TRIM64C: variants seen among roughly 807,000 people sequenced by gnomAD.
TRIM64C encodes tripartite motif-containing protein 64C.
In TRIM64C, 25 loss-of-function variants were observed where a neutral mutation model predicts 36.1. The ratio of observed to expected loss-of-function variants is 0.69; its 90% CI spans 0.51 to 0.97. The LOEUF is 0.97. TRIM64C is among the 50% of genes least tolerant of loss of function. The pLI, the probability that TRIM64C is intolerant of heterozygous loss-of-function variation, is 0.00. For missense variants in TRIM64C, 489 were observed against 536.8 expected (o/e 0.91, Z 0.88); for synonymous variants, 212 against 185.7 (o/e 1.14, Z -1.15).
At chr11:49,054,726 C>T (rs1854792563) in intron 5 of TRIM64C, among the ~76,000 whole-genome samples, 1 of 152,120 alleles carries the variant, frequency 6.6e-6, no homozygotes, top group Non-Finnish European at 1.5e-5. Flanking sequence ...ACTCTGTGTT[C>T]CTGCCCTCTG....
In TRIM64C at chr11:49,057,777, G is replaced by A. The variant is rs1377191064; in HGVS notation, c.507+301C>T. On this transcript the variant is annotated intron_variant, in intron 2 of 5. Transcript: ENST00000617704. Reference sequence around the variant, plus strand: ...CTCTATATACTATTCTATTTCTTTTGTCTTCCTGACACCCAGTCTTAGTGA... The same window carrying A: ...CTCTATATACTATTCTATTTCTTTTATCTTCCTGACACCCAGTCTTAGTGA... 6.0e-6 allele frequency: 3 copies of A among 503,458 alleles called. No homozygotes were observed. The Admixed American group carries it at 7.4e-5, about 12-fold the overall frequency. The allele number at this position is 503,458 out of a possible 1,614,324, so 31.2% of individuals were successfully genotyped here.
chr11:49,058,681 A>T lies in TRIM64C; in HGVS notation c.412+20T>A. ...CTTATTTGATATTCTGTATAATTCA[A>T]ACTGCCTTAGAGGCATCACGTACCC... On this transcript the variant is annotated intron_variant, in intron 1 of 5. Coordinates refer to ENST00000617704, the MANE Select transcript of TRIM64C (RefSeq NM_001206631.1). 1 of 1,541,290 alleles carries T rather than the reference A, an allele frequency of 6.5e-7. No homozygotes were observed. The highest frequency in any genetic ancestry group is 8.7e-7 in the Non-Finnish European group (1 of 1,146,046).
Position 49,055,294 on chromosome 11 carries a change from A to C in TRIM64C, c.859+16T>G. The C allele has an allele frequency of 6.5e-7, 1 of 1,535,666 alleles. No homozygotes were observed. ...GAAATAATTTGAGGCTGGACTGCCA[A>C]GCAGCTGGCTCTTGCCTCTGAAGTT... On this transcript the variant is annotated intron_variant, in intron 5 of 5. Coordinates refer to ENST00000617704, the MANE Select transcript of TRIM64C (RefSeq NM_001206631.1).
chr11:49,058,943 T>C lies in TRIM64C; in HGVS notation c.170A>G (p.Lys57Arg), dbSNP rs1854848797. ...GTTGAAGTTGGGCTTCTCTGAGATT[T>C]TTCTGCACAAAGGGCAGCGCATTGG... The part of the protein sequence containing the change: ...RAPMRCPLCR[K>R]ISEKPNFNTN... Residue 57 changes from lysine to arginine, a missense_variant, in exon 1 of 6, where the codon AAA (lysine) becomes AGA (arginine). Transcript: ENST00000617704. 2.6e-6 allele frequency: 4 copies of C among 1,551,382 alleles called. No individual in the cohort carries two copies. The highest frequency in any genetic ancestry group is 2.4e-5 in the South Asian group (2 of 84,040).
At position 49,056,377 on chromosome 11, in the gene TRIM64C, A is replaced by G. The variant is rs1354572629; in HGVS notation, c.743T>C (p.Val248Ala). 2 of 1,541,860 alleles carry G rather than the reference A, an allele frequency of 1.3e-6. No individual in the cohort carries two copies. Among genetic ancestry groups the G allele is most frequent in the Middle Eastern group, 1.7e-4 (1 of 5,972 alleles). Residue 248 changes from valine to alanine, a missense_variant, in exon 4 of 6, where the codon GTG becomes GCG. Val to Ala is a moderately conservative substitution (Grantham distance 64). Transcript: ENST00000617704. ...AACTCACCTTGCCGATATATTTCCCACATCCTGCAAAAAAAATAAAATGTA... is the reference window on the plus strand; with the variant it reads ...AACTCACCTTGCCGATATATTTCCCGCATCCTGCAAAAAAAATAAAATGTA... ...HMPDVELLQD[V>A]GNISARTDLA... is the part of the protein sequence containing the mutation.
intron 3 of TRIM64C, 63 bp downstream of exon 3, chr11:49,057,085 A>C (rs1173111955): frequency 6.5e-7 from 1 of 1,538,364 alleles, no homozygotes; most frequent in Non-Finnish European, 8.8e-7. Context: ...TGACATTTGC[A>C]TGTCCTGGCA....
At position 49,054,077 on chromosome 11, in the gene TRIM64C, C is replaced by T. The variant is rs1445875798; in HGVS notation, c.990G>A (p.Val330=). The change falls in exon 6 of 6, where the codon GTG becomes GTA. Residue 330 remains valine (V), a synonymous_variant. Transcript: ENST00000617704. ...MDPQGVESFA[V]WCAQAFTSGK... Reference sequence around the variant, plus strand: ...CGGAGGTGAATGCTTGCGCACACCACACAGCAAAGCTCTCCACTCCTTGGG... The same window carrying T: ...CGGAGGTGAATGCTTGCGCACACCATACAGCAAAGCTCTCCACTCCTTGGG... The T allele has an allele frequency of 3.2e-6, 5 of 1,551,558 alleles. No homozygotes were observed. The highest frequency in any genetic ancestry group is 4.4e-6 in the Non-Finnish European group (5 of 1,146,854).
In TRIM64C at chr11:49,058,953, A is replaced by T. The variant is rs1330416866; in HGVS notation, c.160T>A (p.Leu54Met). ...EEGRAPMRCPLCRKISEKPNF... is the reference protein window; with the variant it reads ...EEGRAPMRCPMCRKISEKPNF... ...GGCTTCTCTGAGATTTTTCTGCACAAAGGGCAGCGCATTGGTGCTCTGCCT... is the reference window on the plus strand; with the variant it reads ...GGCTTCTCTGAGATTTTTCTGCACATAGGGCAGCGCATTGGTGCTCTGCCT... Residue 54 changes from leucine to methionine, a missense_variant, in exon 1 of 6, where the codon TTG becomes ATG. Physicochemically the swap from Leu to Met is conservative, Grantham distance 15. Coordinates refer to ENST00000617704, the MANE Select transcript of TRIM64C (RefSeq NM_001206631.1). 6.4e-7 allele frequency: 1 copy of T among 1,551,340 alleles called. No homozygotes were observed. The highest frequency in any genetic ancestry group is 8.7e-7 in the Non-Finnish European group (1 of 1,146,904).
rs550555538 is a variant in TRIM64C, at chr11:49,054,607, A to G, written c.860-400T>C. Among the ~76,000 whole-genome samples the G allele has an allele frequency of 6.6e-5, 10 of 152,344 alleles. No homozygotes were observed. In the South Asian group the frequency reaches 2.1e-3, roughly 32 times the overall value. On this transcript the variant is annotated intron_variant, in intron 5 of 5. Coordinates refer to ENST00000617704, the MANE Select transcript of TRIM64C (RefSeq NM_001206631.1). ...TATTGGAATGTAAGTTATGCCTGTT[A>G]TAGTCTCAAACATCAAAAATTTGGT...
In TRIM64C at chr11:49,055,365, T is replaced by C. The variant is rs1372298278; in HGVS notation, c.804A>G (p.Pro268=). ...CAGTTATGCACCATGAAGTGAGCTC[T>C]GGGTTCACTGGCTGGGGCTTTGGCA... The part of the protein sequence containing the change: ...AQMPKPQPVN[P]ELTSWCITGV... The change falls in exon 5 of 6, where the codon CCA becomes CCG. Residue 268 remains proline, a synonymous_variant. Coordinates refer to ENST00000617704, the MANE Select transcript of TRIM64C (RefSeq NM_001206631.1). The C allele has an allele frequency of 8.5e-6, 13 of 1,534,734 alleles. No homozygotes were observed. The Admixed American group carries it at 2.6e-4, about 30-fold the overall frequency.
In TRIM64C at chr11:49,058,114, A is replaced by T; in HGVS notation, c.471T>A (p.Asn157Lys). The change falls in exon 2 of 6, where the codon AAT (asparagine) becomes AAA (lysine). Residue 157 changes from asparagine (N) to lysine (K), a missense_variant. Coordinates refer to ENST00000617704, the MANE Select transcript of TRIM64C (RefSeq NM_001206631.1). ...AAAATTTGCTAGTTTCCTGATTTAGATTGTTTTGTGTCTCTTGATTGATTT... is the reference window on the plus strand; with the variant it reads ...AAAATTTGCTAGTTTCCTGATTTAGTTTGTTTTGTGTCTCTTGATTGATTT... The part of the protein sequence containing the change: ...LWKINQETQN[N>K]LNQETSKFCS... The T allele has an allele frequency of 1.3e-6, 2 of 1,528,130 alleles. No individual in the cohort carries two copies. Among genetic ancestry groups the T allele is most frequent in the Non-Finnish European group, 1.7e-6 (2 of 1,144,192 alleles). The allele number at this position is 1,528,130 out of a possible 1,614,324, so 94.7% of individuals were successfully genotyped here. A position where few individuals can be genotyped will look rare whatever the true frequency, so the allele number is the denominator to read the frequency against.
At chr11:49,054,926 T>C (rs1385247447) in intron 5 of TRIM64C, among the ~76,000 whole-genome samples, 2 of 152,344 alleles carry the variant, frequency 1.3e-5, no homozygotes, top group African/African-American at 4.8e-5. Flanking sequence ...ATAGAATGTA[T>C]GTAAATGCAC....
chr11:49,054,608 T>C (rs1263978870), intron 5 of TRIM64C, among the ~76,000 whole-genome samples: 13 of 152,242 alleles, frequency 8.5e-5, no homozygotes, highest in Non-Finnish European at 1.9e-4. Flanking sequence ...ATGCCTGTTA[T>C]AGTCTCAAAC....
intron 3 of TRIM64C, among the ~76,000 whole-genome samples, chr11:49,056,619 C>T (rs1362591188): frequency 1.3e-5 from 2 of 151,862 alleles, no homozygotes; most frequent in Admixed American, 6.5e-5. Context: ...AGCAAAGATA[C>T]CTAGGTTTCC....
chr11:49,058,229 A>G (rs1854836786), intron 1 of TRIM64C, 57 bp from the exon 2 acceptor site: 2 of 1,189,494 alleles, frequency 1.7e-6, no homozygotes, highest in Non-Finnish European at 2.3e-6. Context: ...TTATCCCTTT[A>G]TCAATAAAAA....
chr11:49,055,275 A>C, intron 5 of TRIM64C, 35 bp downstream of exon 5: 1 of 1,534,946 alleles, frequency 6.5e-7, no homozygotes, highest in Non-Finnish European at 8.7e-7. Flanking sequence ...TAAGGAAATA[A>C]TTTGAGGCTG....
In TRIM64C at chr11:49,057,131, G is replaced by A; in HGVS notation, c.738+17C>T. Reference sequence around the variant, plus strand: ...GCAAAGGCTTCCTGTCTCTGAGGATGGACCCTCCCTCCTCACCTGGAGCAG... The same window carrying A: ...GCAAAGGCTTCCTGTCTCTGAGGATAGACCCTCCCTCCTCACCTGGAGCAG... On this transcript the variant is annotated intron_variant, in intron 3 of 5. Coordinates refer to ENST00000617704, the MANE Select transcript of TRIM64C (RefSeq NM_001206631.1). The A allele has an allele frequency of 1.9e-6, 3 of 1,549,010 alleles. No individual in the cohort carries two copies. Among genetic ancestry groups the A allele is most frequent in the Non-Finnish European group, 2.6e-6 (3 of 1,146,776 alleles).
In TRIM64C at chr11:49,058,141, C is replaced by T; in HGVS notation, c.444G>A (p.Trp148Ter). The T allele has an allele frequency of 6.5e-7, 1 of 1,529,998 alleles. No homozygotes were observed. The highest frequency in any genetic ancestry group is 8.7e-7 in the Non-Finnish European group (1 of 1,144,570). 94.8% of individuals were successfully genotyped at this position (1,529,998 alleles called of 1,614,324 possible). A position where few individuals can be genotyped will look rare whatever the true frequency, so the allele number is the denominator to read the frequency against. ...QKLIKEMDYL[W>*]KINQETQNNL... ...TGTTTTGTGTCTCTTGATTGATTTT[C>T]CATAAATAGTCCATTTCCTTTATAA... is the stretch of plus-strand genomic sequence containing the variant. The change falls in exon 2 of 6, where the codon TGG becomes TGA. Residue 148 changes from tryptophan to a stop codon, truncating the protein, a stop_gained. Transcript: ENST00000617704. LOFTEE classifies it high-confidence loss of function.
At chr11:49,056,583 G>A (rs1854816657) in intron 3 of TRIM64C, among the ~76,000 whole-genome samples, 1 of 151,900 alleles carries the variant, frequency 6.6e-6, no homozygotes, top group Non-Finnish European at 1.5e-5. Context: ...AAGACGAAAT[G>A]AGCTCAGCAA....
Sources: allele counts gnomAD v4.1 joint callset (sites outside exome capture counted in the v4.1 genomes callset), GRCh38; gene constraint gnomAD v4.1.1; transcripts MANE v1.5; gene names NCBI Gene and HGNC (gene_info 2026-07-23, HGNC 2026-07-21).